CECR2: variants seen among roughly 807,000 people sequenced by gnomAD.
CECR2 encodes the protein CECR2 histone acetyl-lysine reader.
A neutral mutation model predicts 154.5 loss-of-function variants in CECR2; 30 were observed. The observed-to-expected ratio is 0.19, with a 90% confidence interval of 0.15 to 0.26. The LOEUF is 0.26. Among genes scored for constraint, CECR2 ranks in the 10% least tolerant of loss-of-function variants. The pLI is 1.00. For synonymous variants in CECR2, 725 were observed against 683.7 expected (o/e 1.06, Z -0.94); for missense variants, 1,743 against 1,829.3 (o/e 0.95, Z 0.86).
At chr22:17,400,204 T>C (rs530920764) in intron 1 of CECR2, among the ~76,000 whole-genome samples, 2 of 152,226 alleles carry the variant, frequency 1.3e-5, no homozygotes, top group Non-Finnish European at 2.9e-5. Context: ...ATATAAGTGT[T>C]TTATTTACAT....
intron 8 of CECR2, among the ~76,000 whole-genome samples, chr22:17,513,461 TA>T (rs2055996831): frequency 6.6e-6 from 1 of 152,232 alleles, no homozygotes; most frequent in African/African-American, 2.4e-5. Context: ...TGTCAGTAAC[TA>T]AACACATTCT....
At chr22:17,426,637 G>A (rs573194594) in intron 1 of CECR2, among the ~76,000 whole-genome samples, 2 of 152,364 alleles carry the variant, frequency 1.3e-5, no homozygotes, top group African/African-American at 4.8e-5. Flanking sequence ...GATTACAGGC[G>A]TGAGCCACTA....
At chr22:17,431,871 C>T (rs1157135354) in intron 1 of CECR2, among the ~76,000 whole-genome samples, 5 of 152,056 alleles carry the variant, frequency 3.3e-5, no homozygotes, top group Non-Finnish European at 5.9e-5. Context: ...ATTTAGAGTG[C>T]GCAGCCATGA....
intron 1 of CECR2, among the ~76,000 whole-genome samples, chr22:17,422,976 A>G (rs2054279377): frequency 6.6e-6 from 1 of 152,134 alleles, no homozygotes; most frequent in African/African-American, 2.4e-5. Context: ...TTCCTGCCTC[A>G]TAATTCCACT....
At chr22:17,398,590 C>T (rs2053847891) in intron 1 of CECR2, among the ~76,000 whole-genome samples, 2 of 152,184 alleles carry the variant, frequency 1.3e-5, no homozygotes, top group South Asian at 2.1e-4. Flanking sequence ...GTGCCATCCA[C>T]AGTGCTTCTG....
intron 9 of CECR2, among the ~76,000 whole-genome samples, chr22:17,529,954 T>A (rs2056328360): frequency 6.6e-6 from 1 of 152,198 alleles, no homozygotes; most frequent in African/African-American, 2.4e-5. Context: ...TTACAACAGT[T>A]TATTCAGAGA....
At chr22:17,551,049 T>G (rs1225096015) in intron 17 of CECR2, among the ~76,000 whole-genome samples, 1 of 152,232 alleles carries the variant, frequency 6.6e-6, no homozygotes, top group Non-Finnish European at 1.5e-5. Context: ...AGACCCTCTC[T>G]ACTATTTAAC....
chr22:17,407,009 T>G (rs1347379289), intron 1 of CECR2, among the ~76,000 whole-genome samples: 1 of 152,118 alleles, frequency 6.6e-6, no homozygotes, highest in Non-Finnish European at 1.5e-5. Context: ...TAAGAAGCAT[T>G]TAAGTACAAA....
At chr22:17,463,202 A>G (rs1195168163) in intron 1 of CECR2, among the ~76,000 whole-genome samples, 2 of 152,154 alleles carry the variant, frequency 1.3e-5, no homozygotes, top group Non-Finnish European at 1.5e-5. Context: ...AGAGGCCAGT[A>G]TGAGTTAGGG....
chr22:17,467,603 GA>G (rs1459676371), intron 1 of CECR2, among the ~76,000 whole-genome samples: 1 of 152,086 alleles, frequency 6.6e-6, no homozygotes, highest in African/African-American at 2.4e-5. Flanking sequence ...CCAACATGGT[GA>G]AACCCCGTCT....
rs745689692 is a variant in CECR2 at position 17,552,111 on chromosome 22, C to T, written c.4358C>T (p.Pro1453Leu). The change falls in exon 18 of 19, where the codon CCT becomes CTT. Residue 1453 changes from proline to leucine, a missense_variant. Physicochemically the swap from Pro to Leu is moderately conservative, Grantham distance 98. This residue lies in a region of CECR2 where 1,250 missense variants were observed against 1,192.1 expected (regional missense o/e 1.05). Coordinates refer to ENST00000262608, the MANE Select transcript of CECR2 (RefSeq NM_001290047.2). ...GCAACATCACAGGAGGAGGTGCCGC[C>T]TCATAAGCCTCCAACACTTCCCCTG... The part of the protein sequence containing the change: ...TAATSQEEVP[P>L]HKPPTLPLDQ... 1.2e-6 allele frequency: 2 copies of T among 1,613,988 alleles called. No individual in the cohort carries two copies. Among genetic ancestry groups the T allele is most frequent in the Non-Finnish European group, 8.5e-7 (1 of 1,179,894 alleles).
At position 17,394,197 on chromosome 22, in the gene CECR2, C is replaced by CTTTTTTTTTTTTTTT. The variant is rs71200271; in HGVS notation, c.126+24300_126+24314dup. On this transcript the variant is annotated intron_variant, in intron 1 of 18. Transcript: ENST00000262608. ...CCACCGCGCCCAGCTGCTGCCGCTG[C>CTTTTTTTTTTTTTTT]TTTTTTTTTTTTTTTTTTTTTTTTT... Among the ~76,000 whole-genome samples the CTTTTTTTTTTTTTTT allele has an allele frequency of 2.1e-5, 2 of 97,088 alleles. 1 individual carries two copies. The highest frequency in any genetic ancestry group is 8.4e-5 in the African/African-American group (2 of 23,876). 63.7% of individuals were successfully genotyped at this position (97,088 alleles called of 152,430 possible).
At chr22:17,417,019 CTTTTT>C (rs11306557) in intron 1 of CECR2, among the ~76,000 whole-genome samples, 2 of 142,176 alleles carry the variant, frequency 1.4e-5, no homozygotes, top group African/African-American at 2.6e-5. Flanking sequence ...TTGTCAGATT[CTTTTT>C]TTTTTTTTTT....
chr22:17,439,191 C>T (rs1252805234), intron 1 of CECR2, among the ~76,000 whole-genome samples: 3 of 148,346 alleles, frequency 2.0e-5, no homozygotes, highest in Non-Finnish European at 4.5e-5. Context: ...TTGGATGTTC[C>T]GTATAGCTAG....
intron 1 of CECR2, among the ~76,000 whole-genome samples, chr22:17,396,442 A>T (rs902998690): frequency 2.6e-5 from 4 of 152,182 alleles, no homozygotes; most frequent in African/African-American, 9.7e-5. Flanking sequence ...GCTACTTGGG[A>T]GGCTGAGGCA....
chr22:17,451,249 AG>A (rs2054764897), intron 1 of CECR2, among the ~76,000 whole-genome samples: 1 of 152,242 alleles, frequency 6.6e-6, no homozygotes, highest in African/African-American at 2.4e-5. Context: ...CAGCCATTAC[AG>A]GTAGATTTTT....
At position 17,477,671 on chromosome 22, in the gene CECR2, A is replaced by G; in HGVS notation, c.210A>G (p.Arg70=). The change falls in exon 2 of 19, where the codon CGA becomes CGG. Residue 70 remains arginine (R), a synonymous_variant. Transcript: ENST00000262608. Reference sequence around the variant, plus strand: ...GCCTGCTTCAGGGCTGCTATCAACGAAGAGATATCACGTGAGTAATTCTGA... The same window carrying G: ...GCCTGCTTCAGGGCTGCTATCAACGGAGAGATATCACGTGAGTAATTCTGA... ...IACLLQGCYQ[R]RDITPQTFHS... is the part of the protein sequence containing the mutation. The G allele has an allele frequency of 6.2e-7, 1 of 1,605,744 alleles. No individual in the cohort carries two copies. Among genetic ancestry groups the G allele is most frequent in the Non-Finnish European group, 8.5e-7 (1 of 1,172,376 alleles).
intron 1 of CECR2, among the ~76,000 whole-genome samples, chr22:17,470,061 G>A (rs943447513): frequency 2.6e-5 from 4 of 152,062 alleles, no homozygotes; most frequent in Admixed American, 6.6e-5. Context: ...ACTATCACAG[G>A]TCCTAAGATG....
In CECR2 at chr22:17,554,815, G is replaced by A. The variant is rs2056755737; in HGVS notation, c.*1975G>A. The A allele has an allele frequency of 6.6e-6, 1 of 152,230 alleles. No individual in the cohort carries two copies. The allele number at this position is 152,230 out of a possible 1,614,324, so 9.4% of individuals were successfully genotyped here. A position where few individuals can be genotyped will look rare whatever the true frequency, so the allele number is the denominator to read the frequency against. ...GAGTGAAGAGGACAGAAGGATTGTG[G>A]ATGGGTCTGCCCTTTAGCTAGTATC... On this transcript the variant is annotated 3_prime_UTR_variant, in exon 19 of 19. Coordinates refer to ENST00000262608, the MANE Select transcript of CECR2 (RefSeq NM_001290047.2).
Sources: gnomAD v4.1 joint callset for allele counts (sites outside exome capture counted in the v4.1 genomes callset) on GRCh38, gnomAD v4.1.1 for gene constraint, gnomAD v4.1.1 regional missense constraint, MANE v1.5 for transcripts, NCBI Gene and HGNC (gene_info 2026-07-23, HGNC 2026-07-21) for gene names.